The following SDK1 variants were observed in gnomAD, a reference collection of about 807,000 sequenced individuals.
The protein encoded by SDK1 is protein sidekick-1.
Under a neutral mutation model 245.5 loss-of-function variants are expected in SDK1, and 157 were observed. The ratio of observed to expected loss-of-function variants is 0.64; its 90% CI spans 0.56 to 0.73. SDK1 has a LOEUF of 0.73. Ranked by LOEUF, SDK1 falls within the 30% of genes least tolerant of loss-of-function variation. SDK1 has a pLI of 0.00. For synonymous variants in SDK1, 1,647 were observed against 1,278.5 expected, an observed-to-expected ratio of 1.29 and a Z score of -6.15; for missense variants, 3,583 against 3,002.3, an observed-to-expected ratio of 1.19 and a Z score of -4.52.
At chr7:4,198,563 C>G (rs975380902) in intron 35 of SDK1, among the ~76,000 whole-genome samples, 2 of 152,198 alleles carry the variant, frequency 1.3e-5, no homozygotes, top group Admixed American at 6.5e-5. Context: ...ACCGCCACAC[C>G]CGTGCATGTT....
chr7:3,672,289 C>T lies in SDK1; in HGVS notation c.713+30184C>T, dbSNP rs77406698. ...GTAGTGCCCAGTTATTGTGAATACC[C>T]ATCACACGTTATTCTATCACAGCAA... is the stretch of plus-strand genomic sequence containing the variant. On this transcript the variant is annotated intron_variant, in intron 4 of 44. Transcript: ENST00000404826. 3.3e-3 allele frequency among the ~76,000 whole-genome samples: 502 copies of T among 152,104 alleles called. 3 individuals carry two copies. The highest frequency in any genetic ancestry group is 0.012 in the African/African-American group (486 of 41,460).
At chr7:3,458,888 T>G (rs1013405679) in intron 1 of SDK1, among the ~76,000 whole-genome samples, 3 of 152,324 alleles carry the variant, frequency 2.0e-5, no homozygotes, top group Middle Eastern at 3.4e-3. Context: ...CAAATAGTCT[T>G]TATGTTTGGT....
intron 1 of SDK1, among the ~76,000 whole-genome samples, chr7:3,496,577 C>T (rs1782033153): frequency 6.6e-6 from 1 of 151,648 alleles, no homozygotes; most frequent in Admixed American, 6.6e-5. Flanking sequence ...CTATTTGAAA[C>T]AGGTTGCTTG....
chr7:3,991,033 C>T (rs1784266371), intron 14 of SDK1, among the ~76,000 whole-genome samples: 1 of 152,208 alleles, frequency 6.6e-6, no homozygotes, highest in South Asian at 2.1e-4. Flanking sequence ...TGATCAGTGT[C>T]CACTGCGAAC....
chr7:3,953,889 C>A (rs898952669), intron 7 of SDK1, among the ~76,000 whole-genome samples: 2 of 152,136 alleles, frequency 1.3e-5, no homozygotes, highest in Non-Finnish European at 2.9e-5. Context: ...GGTTGGCGCA[C>A]ACTGCAAAAA....
chr7:3,317,136 G>T (rs1005788651), intron 1 of SDK1, among the ~76,000 whole-genome samples: 3 of 116,328 alleles, frequency 2.6e-5, no homozygotes, highest in African/African-American at 1.0e-4. Context: ...AGCCATGACC[G>T]CACCACTGCA....
intron 5 of SDK1, among the ~76,000 whole-genome samples, chr7:3,878,649 T>C (rs942986644): frequency 6.6e-6 from 1 of 152,228 alleles, no homozygotes; most frequent in Non-Finnish European, 1.5e-5. Flanking sequence ...TCTCATATAA[T>C]CCTCTCTCTT....
chr7:4,161,553 G>T (rs1414366126), intron 31 of SDK1, among the ~76,000 whole-genome samples: 1 of 152,214 alleles, frequency 6.6e-6, no homozygotes, highest in African/African-American at 2.4e-5. Context: ...GGAGAGCCCA[G>T]TCTGGGTCTG....
intron 5 of SDK1, among the ~76,000 whole-genome samples, chr7:3,859,494 T>C (rs1780635143): frequency 6.6e-6 from 1 of 152,128 alleles, no homozygotes; most frequent in Admixed American, 6.5e-5. Flanking sequence ...TGGCTCATGA[T>C]GTTGTAAAGA....
At chr7:4,165,115 T>G (rs903249911) in intron 32 of SDK1, among the ~76,000 whole-genome samples, 5 of 152,126 alleles carry the variant, frequency 3.3e-5, no homozygotes, top group Non-Finnish European at 5.9e-5. Context: ...GGCCAGCACT[T>G]TGGGAGGCTG....
At chr7:3,768,710 A>G (rs904088560) in intron 4 of SDK1, among the ~76,000 whole-genome samples, 17 of 152,168 alleles carry the variant, frequency 1.1e-4, no homozygotes, top group Admixed American at 6.5e-4. Flanking sequence ...CTGTAGGTAC[A>G]CGTTTATGCT....
intron 5 of SDK1, among the ~76,000 whole-genome samples, chr7:3,891,177 A>G (rs934618090): frequency 6.6e-6 from 1 of 152,208 alleles, no homozygotes; most frequent in Non-Finnish European, 1.5e-5. Flanking sequence ...GGGAGGCCCC[A>G]CAGTCCACAG....
At chr7:3,347,430 C>T (rs1361545290) in intron 1 of SDK1, among the ~76,000 whole-genome samples, 2 of 152,072 alleles carry the variant, frequency 1.3e-5, no homozygotes, top group African/African-American at 4.8e-5. Flanking sequence ...CCCAGAAGTA[C>T]CTGATGAAGT....
rs566227969 is a variant in SDK1, at chr7:4,156,435, A to G, written c.4626-2013A>G. 2.6e-5 allele frequency among the ~76,000 whole-genome samples: 4 copies of G among 152,344 alleles called. No individual in the cohort carries two copies. In the South Asian group the frequency reaches 8.3e-4, roughly 32 times the overall value. On this transcript the variant is annotated intron_variant, in intron 30 of 44. Transcript: ENST00000404826. Reference sequence around the variant, plus strand: ...CTCCATTAAAGCTGGGACCAAGGCCAGCTGTCTCCTGTGGCTGTTTTTCCA... The same window carrying G: ...CTCCATTAAAGCTGGGACCAAGGCCGGCTGTCTCCTGTGGCTGTTTTTCCA...
At chr7:4,083,680 CCTTCA>C (rs1183312446) in intron 22 of SDK1, among the ~76,000 whole-genome samples, 1 of 4,528 alleles carries the variant, frequency 2.2e-4, no homozygotes, top group Non-Finnish European at 5.3e-4. Flanking sequence ...TCCCTCTCTC[CCTTCA>C]CTTCTTCCCT....
chr7:4,091,820 G>A (rs555496956), intron 22 of SDK1, among the ~76,000 whole-genome samples: 22 of 152,216 alleles, frequency 1.4e-4, no homozygotes, highest in African/African-American at 5.3e-4. Context: ...GCTCCGTCCA[G>A]GGAAAGAACA....
rs139540390 is a variant in SDK1, at chr7:3,821,497, G to A, written c.761G>A (p.Ser254Asn). 1 of 1,613,760 alleles carries A rather than the reference G, an allele frequency of 6.2e-7. No homozygotes were observed. Among genetic ancestry groups the A allele is most frequent in the Non-Finnish European group, 8.5e-7 (1 of 1,179,846 alleles). The change falls in exon 5 of 45, where the codon AGT becomes AAT. Residue 254 changes from serine to asparagine, a missense_variant. Ser to Asn is a conservative substitution (Grantham distance 46). Coordinates refer to ENST00000404826, the MANE Select transcript of SDK1 (RefSeq NM_152744.4). ...NQLVILATTT[S>N]DAGAYYVQAV... The stretch of plus-strand genomic sequence containing the variant: ...CTGGTGATCCTCGCCACCACAACCA[G>A]TGATGCCGGGGCATACTACGTGCAG...
chr7:3,685,568 C>G (rs1784256751), intron 4 of SDK1, among the ~76,000 whole-genome samples: 1 of 152,118 alleles, frequency 6.6e-6, no homozygotes, highest in African/African-American at 2.4e-5. Flanking sequence ...AATCAAACTT[C>G]TGTTGAGGTT....
chr7:3,564,241 C>T (rs553961656), intron 1 of SDK1, among the ~76,000 whole-genome samples: 4 of 151,994 alleles, frequency 2.6e-5, no homozygotes, highest in African/African-American at 9.6e-5. Flanking sequence ...AATAATAACA[C>T]CTGACATGAT....
Sources: gnomAD v4.1 joint callset for allele counts (sites outside exome capture counted in the v4.1 genomes callset) on GRCh38, gnomAD v4.1.1 for gene constraint, MANE v1.5 for transcripts, NCBI Gene and HGNC (gene_info 2026-07-23, HGNC 2026-07-21) for gene names.